LRRC7: variants seen among roughly 807,000 people sequenced by gnomAD.
LRRC7 encodes the protein leucine rich repeat containing 7.
A neutral mutation model predicts 175.7 loss-of-function variants in LRRC7; 23 were observed. The ratio of observed to expected loss-of-function variants is 0.13; its 90% CI spans 0.09 to 0.19. The LOEUF (loss-of-function observed/expected upper bound fraction) is 0.19. Ranked by LOEUF, LRRC7 falls within the 10% of genes least tolerant of loss-of-function variation. The probability of loss-of-function intolerance (pLI) is 1.00; values close to 1 mark genes in which losing one functional copy is unlikely to be tolerated. For missense variants in LRRC7, 1,354 were observed against 1,904.7 expected, an observed-to-expected ratio of 0.71 and a Z score of 5.38; for synonymous variants, 685 against 680.9, an observed-to-expected ratio of 1.01 and a Z score of -0.09.
chr1:70,125,687 G>A lies in LRRC7; in HGVS notation c.*3800G>A, dbSNP rs1666414679. Among the ~76,000 whole-genome samples, 1 of 148,124 alleles carries A rather than the reference G, an allele frequency of 6.8e-6. No homozygotes were observed. The highest frequency in any genetic ancestry group is 1.5e-5 in the Non-Finnish European group (1 of 66,668). On this transcript the variant is annotated 3_prime_UTR_variant, in exon 27 of 27. Coordinates refer to ENST00000651989, the MANE Select transcript of LRRC7 (RefSeq NM_001370785.2). The stretch of plus-strand genomic sequence containing the variant: ...GGCGCCTGTAGTCCCAGCTACTTGG[G>A]AGGCTGAGGCAGGAGAATGGCGTGA...
chr1:70,093,547 A>G (rs1400885125), intron 25 of LRRC7, among the ~76,000 whole-genome samples: 1 of 152,168 alleles, frequency 6.6e-6, no homozygotes, highest in African/African-American at 2.4e-5. Flanking sequence ...GAAGAGCCAC[A>G]TGACAAATTT....
intron 18 of LRRC7, among the ~76,000 whole-genome samples, chr1:70,031,862 G>A (rs947153015): frequency 4.0e-5 from 6 of 150,826 alleles, no homozygotes; most frequent in Non-Finnish European, 8.8e-5. Context: ...GCAGTGGTGC[G>A]ATCTCAGCTC....
chr1:70,098,276 A>T (rs1664559106), intron 25 of LRRC7, among the ~76,000 whole-genome samples: 1 of 152,110 alleles, frequency 6.6e-6, no homozygotes, highest in South Asian at 2.1e-4. Flanking sequence ...AACCAACGAG[A>T]ACAAAGACAC....
chr1:69,867,650 A>G lies in LRRC7; in HGVS notation c.647+29367A>G, dbSNP rs1685088133. Among the ~76,000 whole-genome samples, 3 of 152,310 alleles carry G rather than the reference A, an allele frequency of 2.0e-5. No individual in the cohort carries two copies. In the South Asian group the frequency reaches 6.2e-4, roughly 32 times the overall value. On this transcript the variant is annotated intron_variant, in intron 7 of 26. Coordinates refer to ENST00000651989, the MANE Select transcript of LRRC7 (RefSeq NM_001370785.2). ...TTAAATCAATGGCAGTGGAATGTGG[A>G]ATACAGGGGAAAGATACAAGGTATG...
At chr1:70,079,352 G>A (rs573159270) in intron 24 of LRRC7, among the ~76,000 whole-genome samples, 7 of 152,142 alleles carry the variant, frequency 4.6e-5, no homozygotes, top group Non-Finnish European at 1.0e-4. Context: ...AAAGAGAAAA[G>A]CAAAGTTCAA....
intron 1 of LRRC7, among the ~76,000 whole-genome samples, chr1:69,637,091 T>G (rs1178799782): frequency 6.6e-6 from 1 of 150,692 alleles, no homozygotes; most frequent in African/African-American, 2.5e-5. Context: ...TCTCTCTCTC[T>G]CTCTCTTCCC....
chr1:69,761,233 GA>G (rs918534229), intron 3 of LRRC7, among the ~76,000 whole-genome samples: 6 of 151,544 alleles, frequency 4.0e-5, no homozygotes, highest in African/African-American at 1.5e-4. Flanking sequence ...GCTGAGAAGG[GA>G]AAAAAACGTC....
At chr1:69,886,969 G>A (rs1445200400) in intron 7 of LRRC7, among the ~76,000 whole-genome samples, 2 of 151,890 alleles carry the variant, frequency 1.3e-5, no homozygotes, top group Non-Finnish European at 2.9e-5. Flanking sequence ...GGCTTGTAGG[G>A]TTTCTGCCGA....
intron 8 of LRRC7, among the ~76,000 whole-genome samples, chr1:69,961,024 A>AG (rs966406601): frequency 1.0e-3 from 155 of 152,282 alleles, no homozygotes; most frequent in African/African-American, 3.6e-3. Flanking sequence ...TTCAAATAGG[A>AG]GGGGAGGAAG....
intron 1 of LRRC7, among the ~76,000 whole-genome samples, chr1:69,605,487 T>C (rs1647390449): frequency 6.6e-6 from 1 of 152,212 alleles, no homozygotes; most frequent in Non-Finnish European, 1.5e-5. Context: ...ACTTGCTTTG[T>C]GCAGGGCACT....
At chr1:69,925,744 A>C (rs541150572) in intron 7 of LRRC7, among the ~76,000 whole-genome samples, 1 of 152,048 alleles carries the variant, frequency 6.6e-6, no homozygotes, top group East Asian at 1.9e-4. Flanking sequence ...TCCTTGCAAA[A>C]AACCAGCTCC....
intron 2 of LRRC7, among the ~76,000 whole-genome samples, chr1:69,749,891 T>A (rs1669650807): frequency 6.6e-6 from 1 of 151,544 alleles, no homozygotes; most frequent in Non-Finnish European, 1.5e-5. Flanking sequence ...GTGAAACCCC[T>A]TCTCTACTAA....
chr1:69,759,157 C>T (rs1670761036), intron 2 of LRRC7, among the ~76,000 whole-genome samples: 1 of 151,836 alleles, frequency 6.6e-6, no homozygotes, highest in African/African-American at 2.4e-5. Context: ...GTGACCTTTT[C>T]GTTAAAATAA....
intron 8 of LRRC7, among the ~76,000 whole-genome samples, chr1:69,939,037 A>ATATATATATATC (rs1557911148): frequency 7.4e-5 from 6 of 80,954 alleles, no homozygotes; most frequent in African/African-American, 2.3e-4. Flanking sequence ...ATATCTATAT[A>ATATATATATATC]TATCTATATC....
Position 70,044,081 on chromosome 1 carries a change from T to A in LRRC7, c.4097T>A (p.Leu1366Gln), listed in dbSNP as rs758753390. Residue 1366 changes from leucine (L) to glutamine (Q), a missense_variant, in exon 22 of 27, where the codon CTA becomes CAA. This residue lies in a region of LRRC7 where 1,032 missense variants were observed against 1,227.2 expected (regional missense o/e 0.84). Coordinates refer to ENST00000651989, the MANE Select transcript of LRRC7 (RefSeq NM_001370785.2). ...QTKSKFDHQELPLQKTPSQQS... is the reference protein window; with the variant it reads ...QTKSKFDHQEQPLQKTPSQQS... ...AAGTCTAAATTTGATCATCAAGAAC[T>A]ACCTCTTCAGAAAGTAAGTATGGAC... is the stretch of plus-strand genomic sequence containing the variant. 1 of 1,612,978 alleles carries A rather than the reference T, an allele frequency of 6.2e-7. No individual in the cohort carries two copies. The highest frequency in any genetic ancestry group is 1.7e-4 in the Middle Eastern group (1 of 6,052).
intron 21 of LRRC7, among the ~76,000 whole-genome samples, chr1:70,042,379 T>C (rs1381670832): frequency 2.0e-5 from 3 of 152,194 alleles, no homozygotes; most frequent in African/African-American, 7.2e-5. Context: ...TTGGGTCATT[T>C]GAACCCTCAA....
chr1:69,655,147 T>G (rs1656420493), intron 1 of LRRC7, among the ~76,000 whole-genome samples: 1 of 152,062 alleles, frequency 6.6e-6, no homozygotes, highest in South Asian at 2.1e-4. Flanking sequence ...CCATAAATAT[T>G]TAATGAAGTT....
intron 1 of LRRC7, among the ~76,000 whole-genome samples, chr1:69,626,842 C>A (rs915904266): frequency 6.6e-6 from 1 of 151,292 alleles, no homozygotes; most frequent in African/African-American, 2.4e-5. Flanking sequence ...TTTGTCCTTG[C>A]GATAGTTTGC....
Position 70,023,179 on chromosome 1 carries a change from A to G in LRRC7, c.1599A>G (p.Gln533=), listed in dbSNP as rs1657696451. 1 of 1,549,406 alleles carries G rather than the reference A, an allele frequency of 6.5e-7. No homozygotes were observed. The highest frequency in any genetic ancestry group is 8.8e-7 in the Non-Finnish European group (1 of 1,139,612). Residue 533 remains glutamine (Q), a synonymous_variant, in exon 17 of 27, where the codon CAA becomes CAG. Transcript: ENST00000651989. ...GGGGCCAGCGTGGGATTACTCTCCA[A>G]CCTGCCAGACTGTCTGGCGATTGCT... is the stretch of plus-strand genomic sequence containing the variant. The part of the protein sequence containing the change: ...WERGQRGITL[Q]PARLSGDCCT...
Sources: allele counts gnomAD v4.1 joint callset (sites outside exome capture counted in the v4.1 genomes callset), GRCh38; gene constraint gnomAD v4.1.1; regional missense constraint gnomAD v4.1.1; transcripts MANE v1.5; gene names NCBI Gene and HGNC (gene_info 2026-07-23, HGNC 2026-07-21).